Variants in GNB1 observed in about 807,000 individuals in gnomAD.
The protein encoded by GNB1 is G protein subunit beta 1, also known as guanine nucleotide-binding protein G(I)/G(S)/G(T) subunit beta-1.
Under a neutral mutation model 42.9 loss-of-function variants are expected in GNB1, and 2 were observed. The observed-to-expected ratio is 0.05, with a 90% CI of 0.02 to 0.15. The LOEUF (loss-of-function observed/expected upper bound fraction) is 0.15. Ranked by LOEUF, GNB1 falls within the 10% of genes least tolerant of loss-of-function variation. The pLI, the probability that GNB1 is intolerant of heterozygous loss-of-function variation, is 1.00. For synonymous variants in GNB1, 183 were observed against 174.7 expected, an observed-to-expected ratio of 1.05 and a Z score of -0.38; for missense variants, 193 against 462.2, an observed-to-expected ratio of 0.42 and a Z score of 5.34.
intron 1 of GNB1, among the ~76,000 whole-genome samples, chr1:1,843,362 G>C (rs544933608): frequency 1.5e-3 from 231 of 152,186 alleles, no homozygotes; most frequent in African/African-American, 5.3e-3. Flanking sequence ...TGGGACCACA[G>C]GTGTGTGCCA....
At chr1:1,814,234 G>A (rs1272303298) in intron 5 of GNB1, among the ~76,000 whole-genome samples, 3 of 152,114 alleles carry the variant, frequency 2.0e-5, no homozygotes, top group Non-Finnish European at 4.4e-5. Context: ...GCTCTAAAGC[G>A]GACAATTTCA....
intron 1 of GNB1, among the ~76,000 whole-genome samples, chr1:1,857,626 G>A (rs1335554886): frequency 6.6e-6 from 1 of 152,038 alleles, no homozygotes; most frequent in African/African-American, 2.4e-5. Flanking sequence ...AAGCAATGAC[G>A]ATATCTTTAA....
rs116270024 is a variant in GNB1, at chr1:1,837,733, C to T, written c.-47+1457G>A. Among the ~76,000 whole-genome samples the T allele has an allele frequency of 8.7e-3, 1,271 of 146,178 alleles. 22 individuals are homozygous for T. The highest frequency in any genetic ancestry group is 0.031 in the African/African-American group (1,220 of 39,440). ...GCCACCACACGTGGCTAAATCTTTT[C>T]CTTTGTATTTTCGTAGAGACGGGGT... On this transcript the variant is annotated intron_variant, in intron 2 of 11. Coordinates refer to ENST00000378609, the MANE Select transcript of GNB1 (RefSeq NM_002074.5).
At chr1:1,801,317 C>A (rs535435197) in intron 7 of GNB1, among the ~76,000 whole-genome samples, 1 of 152,184 alleles carries the variant, frequency 6.6e-6, no homozygotes, top group Non-Finnish European at 1.5e-5. Flanking sequence ...CGTGAGCCAA[C>A]CATGCCCAGC....
intron 1 of GNB1, among the ~76,000 whole-genome samples, chr1:1,882,865 G>T (rs1649930114): frequency 6.6e-6 from 1 of 151,438 alleles, no homozygotes; most frequent in African/African-American, 2.4e-5. Flanking sequence ...AGGTTGCAGT[G>T]AGCCGAGATC....
intron 2 of GNB1, among the ~76,000 whole-genome samples, chr1:1,833,933 G>T (rs1473350239): frequency 6.6e-6 from 1 of 152,136 alleles, no homozygotes; most frequent in Non-Finnish European, 1.5e-5. Context: ...CATGTTCAAT[G>T]ACCCCACAGA....
At chr1:1,871,580 A>G (rs1649251290) in intron 1 of GNB1, among the ~76,000 whole-genome samples, 1 of 152,054 alleles carries the variant, frequency 6.6e-6, no homozygotes, top group Non-Finnish European at 1.5e-5. Flanking sequence ...TCCTTTTAAT[A>G]ACCCCTCCAC....
chr1:1,833,661 T>G (rs1197099557), intron 2 of GNB1, among the ~76,000 whole-genome samples: 1 of 152,166 alleles, frequency 6.6e-6, no homozygotes, highest in Admixed American at 6.6e-5. Flanking sequence ...GCGTACACAG[T>G]CACTGCGAAC....
At chr1:1,879,714 A>G (rs890995138) in intron 1 of GNB1, among the ~76,000 whole-genome samples, 1 of 151,860 alleles carries the variant, frequency 6.6e-6, no homozygotes, top group East Asian at 1.9e-4. Flanking sequence ...CAGGGAAAAA[A>G]AAAAAAAAAA....
At chr1:1,841,514 G>T (rs558167817) in intron 1 of GNB1, among the ~76,000 whole-genome samples, 1 of 152,188 alleles carries the variant, frequency 6.6e-6, no homozygotes, top group East Asian at 1.9e-4. Flanking sequence ...TTCTGTAATC[G>T]CTCCCTCAAA....
intron 5 of GNB1, among the ~76,000 whole-genome samples, chr1:1,811,276 T>C (rs1418442621): frequency 1.3e-5 from 2 of 151,228 alleles, no homozygotes; most frequent in Admixed American, 6.6e-5. Context: ...TTAGTAGAGA[T>C]GGGGTTTCAC....
chr1:1,852,385 C>T (rs1333300181), intron 1 of GNB1, among the ~76,000 whole-genome samples: 2 of 152,038 alleles, frequency 1.3e-5, no homozygotes, highest in East Asian at 1.9e-4. Context: ...CCCGCCACCA[C>T]GCCTGGCTAA....
chr1:1,883,823 TCAGA>T (rs1245567197), intron 1 of GNB1, among the ~76,000 whole-genome samples: 6 of 152,202 alleles, frequency 3.9e-5, no homozygotes, highest in East Asian at 1.9e-4. Flanking sequence ...GGGCTCTAAC[TCAGA>T]CAGTGCCAAT....
At chr1:1,845,107 T>TA (rs1372327030) in intron 1 of GNB1, among the ~76,000 whole-genome samples, 1 of 152,152 alleles carries the variant, frequency 6.6e-6, no homozygotes, top group African/African-American at 2.4e-5. Flanking sequence ...AAACAAAAAT[T>TA]AGAGTTCAGT....
intron 1 of GNB1, among the ~76,000 whole-genome samples, chr1:1,884,706 G>A (rs570758675): frequency 1.0e-4 from 15 of 150,418 alleles, no homozygotes; most frequent in Non-Finnish European, 1.8e-4. Context: ...TTTGAGAGAC[G>A]GAGTCTTGCT....
At chr1:1,847,615 T>C (rs1647739847) in intron 1 of GNB1, among the ~76,000 whole-genome samples, 1 of 152,180 alleles carries the variant, frequency 6.6e-6, no homozygotes, top group Non-Finnish European at 1.5e-5. Flanking sequence ...TCTGGAAGGA[T>C]TATCCTGCTG....
chr1:1,830,748 T>C (rs1477107101), intron 2 of GNB1, among the ~76,000 whole-genome samples: 1 of 152,066 alleles, frequency 6.6e-6, no homozygotes, highest in Non-Finnish European at 1.5e-5. Context: ...GGCCTTGCTA[T>C]GTTGCCCGGG....
chr1:1,825,407 T>A lies in GNB1; in HGVS notation c.47A>T (p.Asn16Ile). 6.2e-7 allele frequency: 1 copy of A among 1,611,484 alleles called. No homozygotes were observed. Among genetic ancestry groups the A allele is most frequent in the Non-Finnish European group, 8.5e-7 (1 of 1,177,580 alleles). The change falls in exon 3 of 12, where the codon AAC (asparagine) becomes ATC (isoleucine). Residue 16 changes from asparagine (N) to isoleucine (I), a missense_variant. Transcript: ENST00000378609. The part of the protein sequence containing the change: ...QLRQEAEQLK[N>I]QIRDARKACA... The stretch of plus-strand genomic sequence containing the variant: ...CACACAACTACATACTCGAATCTGG[T>A]TCTTAAGTTGCTCGGCCTCCTGCCG...
intron 2 of GNB1, among the ~76,000 whole-genome samples, chr1:1,829,519 T>G (rs1194022492): frequency 6.6e-6 from 1 of 152,168 alleles, no homozygotes; most frequent in African/African-American, 2.4e-5. Flanking sequence ...CGAGAAAACG[T>G]GACCATCACA....
Sources: gnomAD v4.1 joint callset for allele counts (sites outside exome capture counted in the v4.1 genomes callset) on GRCh38, gnomAD v4.1.1 for gene constraint, MANE v1.5 for transcripts, NCBI Gene and HGNC (gene_info 2026-07-23, HGNC 2026-07-21) for gene names.